Variants in ABCB9 observed in about 807,000 individuals in gnomAD.
ABCB9 encodes ABC-type oligopeptide transporter ABCB9.
In ABCB9, 36 loss-of-function variants were observed where a neutral mutation model predicts 62.0. The ratio of observed to expected loss-of-function variants is 0.58; its 90% CI spans 0.45 to 0.77. The LOEUF is 0.77. ABCB9 is among the 30% of genes least tolerant of loss of function. The pLI is 0.00. For missense variants in ABCB9, 943 were observed against 1,054.7 expected, an observed-to-expected ratio of 0.89 and a Z score of 1.47; for synonymous variants, 435 against 461.4, an observed-to-expected ratio of 0.94 and a Z score of 0.73.
chr12:122,920,766 T>G (rs61955187), downstream of ABCB9, among the ~76,000 whole-genome samples: 1 of 151,614 alleles, frequency 6.6e-6, no homozygotes, highest in Non-Finnish European at 1.5e-5. Context: ...AAAAAAATTT[T>G]GCCAGGCATG....
chr12:122,933,703 C>A (rs562643353), intron 10 of ABCB9, among the ~76,000 whole-genome samples: 1 of 151,672 alleles, frequency 6.6e-6, no homozygotes, highest in African/African-American at 2.4e-5. Context: ...AAGTTCATAT[C>A]GAGGTAATTT....
rs759452772 is a variant in ABCB9, at chr12:122,940,061, G to A, written c.1743+50C>T. On this transcript the variant is annotated intron_variant, in intron 9 of 11. Coordinates refer to ENST00000280560, the MANE Select transcript of ABCB9 (RefSeq NM_019625.4). This position sits in a 1 kb window ranked among gnomAD's most constrained non-coding sequence, Gnocchi z 4.8. ...ACCTGTTACAGCTCACAAGAAAGAC[G>A]GTTAGATGCAGAAAGGGCGGAGAAG... 9.9e-5 allele frequency: 155 copies of A among 1,565,302 alleles called. No homozygotes were observed. Among genetic ancestry groups the A allele is most frequent in the Non-Finnish European group, 1.3e-4 (149 of 1,152,996 alleles).
chr12:122,947,989 A>C lies in ABCB9; in HGVS notation c.1053+635T>G, dbSNP rs2036133858. Reference sequence around the variant, plus strand: ...TGCTGTGTCACCCAGGCTAGAGTATAGTGGCACGATCATTGCTCACTACAG... The same window carrying C: ...TGCTGTGTCACCCAGGCTAGAGTATCGTGGCACGATCATTGCTCACTACAG... On this transcript the variant is annotated intron_variant, in intron 5 of 11. Transcript: ENST00000280560. The surrounding 1 kb of genome is among the most constrained non-coding windows in gnomAD (Gnocchi z 6.0). The C allele has an allele frequency of 6.5e-6, 1 of 153,060 alleles. No individual in the cohort carries two copies. The highest frequency in any genetic ancestry group is 1.5e-5 in the Non-Finnish European group (1 of 68,544). The allele number at this position is 153,060 out of a possible 1,614,324, so 9.5% of individuals were successfully genotyped here.
downstream of ABCB9, chr12:122,924,780 G>A (rs1014534869): frequency 5.2e-6 from 8 of 1,534,558 alleles, no homozygotes; most frequent in East Asian, 2.4e-5. Flanking sequence ...GCCCTCGACT[G>A]CAATTACTTT....
rs1163927354 is a variant in ABCB9, at chr12:122,947,222, G to A, written c.1054-1000C>T. ...CTCCATCCCAGGGGCTGGTGGGAAG[G>A]CCGGAAGCAAGGGGTGGGGAGCAGC... is the stretch of plus-strand genomic sequence containing the variant. On this transcript the variant is annotated intron_variant, in intron 5 of 11. Coordinates refer to ENST00000280560, the MANE Select transcript of ABCB9 (RefSeq NM_019625.4). The surrounding 1 kb of genome is among the most constrained non-coding windows in gnomAD (Gnocchi z 6.0). Among the ~76,000 whole-genome samples, 1 of 152,208 alleles carries A rather than the reference G, an allele frequency of 6.6e-6. No individual in the cohort carries two copies. The highest frequency in any genetic ancestry group is 1.9e-4 in the East Asian group (1 of 5,194).
chr12:122,972,118 C>A (rs902577486), intron 1 of ABCB9, among the ~76,000 whole-genome samples: 2 of 144,200 alleles, frequency 1.4e-5, no homozygotes, highest in African/African-American at 5.2e-5. Flanking sequence ...AATCTTGGCT[C>A]ACTGCAAGCT....
exon 1 of ABCB9, chr12:122,975,071 G>A (rs2037367022): frequency 1.0e-5 from 5 of 481,992 alleles, no homozygotes; most frequent in Non-Finnish European, 7.5e-6. Context: ...GAGGCCGCCG[G>A]TCCCAACCCG....
At chr12:122,949,732 A>G in intron 4 of ABCB9, 56 bp downstream of exon 4, 3 of 1,605,560 alleles carry the variant, frequency 1.9e-6, no homozygotes, top group South Asian at 2.2e-5. Context: ...GTGCCAGGCA[A>G]GCCCACAGGG....
rs749383252 is a variant in ABCB9 at position 122,959,992 on chromosome 12, A to G, written c.244T>C (p.Ser82Pro). Residue 82 changes from serine (S) to proline (P), a missense_variant, in exon 2 of 12, where the codon TCG becomes CCG. By Grantham distance (74) the Ser-to-Pro change is moderately conservative (BLOSUM62 -1). Coordinates refer to ENST00000280560, the MANE Select transcript of ABCB9 (RefSeq NM_019625.4). This position sits in a 1 kb window ranked among gnomAD's most constrained non-coding sequence, Gnocchi z 5.4. ...SALGPRRLRASWLVITLVCLF... is the reference protein window; with the variant it reads ...SALGPRRLRAPWLVITLVCLF... ...CACACGAGGGTGATGACCAGCCACG[A>G]GGCCCGCAGCCGCCGGGGCCCCAGC... 1 of 1,613,290 alleles carries G rather than the reference A, an allele frequency of 6.2e-7. No individual in the cohort carries two copies. The highest frequency in any genetic ancestry group is 1.1e-5 in the South Asian group (1 of 91,090).
At chr12:122,949,720 C>T in intron 4 of ABCB9, 68 bp downstream of exon 4, 1 of 1,592,444 alleles carries the variant, frequency 6.3e-7, no homozygotes, top group Non-Finnish European at 8.6e-7. Flanking sequence ...TTTCATTCCT[C>T]AGTGCCAGGC....
chr12:122,971,661 A>G (rs910052101), intron 1 of ABCB9, among the ~76,000 whole-genome samples: 1 of 152,090 alleles, frequency 6.6e-6, no homozygotes, highest in African/African-American at 2.4e-5. Context: ...CATGTTGACC[A>G]GGCTGGTCTC....
chr12:122,945,874 T>C, intron 6 of ABCB9, 151 bp downstream of exon 6: 1 of 734,642 alleles, frequency 1.4e-6, no homozygotes, highest in Non-Finnish European at 2.1e-6. Flanking sequence ...TGAGGCTCTG[T>C]CTCAAAAAAA....
intron 1 of ABCB9, among the ~76,000 whole-genome samples, chr12:122,963,989 G>A (rs1042170122): frequency 3.3e-5 from 5 of 152,172 alleles, no homozygotes; most frequent in Admixed American, 6.5e-5. Context: ...CGAGCGAGTG[G>A]GTGAGCTCCA....
At chr12:122,942,151 C>G (rs774412018) in intron 7 of ABCB9, among the ~76,000 whole-genome samples, 1 of 152,128 alleles carries the variant, frequency 6.6e-6, no homozygotes, top group Non-Finnish European at 1.5e-5. Flanking sequence ...AGTGGCAGAG[C>G]CAGGATTTGA....
chr12:122,959,843 G>A lies in ABCB9; in HGVS notation c.393C>T (p.Phe131=). ...CGGTGGACAGCAGCCACCAGAGCAG[G>A]AAGGATGCGCCGAGTGAAATGTACG... ...VWTYISLGAS[F]LLWWLLSTVR... Residue 131 remains phenylalanine (F), a synonymous_variant, in exon 2 of 12, where the codon TTC becomes TTT. Transcript: ENST00000280560. The surrounding 1 kb of genome is among the most constrained non-coding windows in gnomAD (Gnocchi z 5.4). 6.2e-7 allele frequency: 1 copy of A among 1,613,300 alleles called. No individual in the cohort carries two copies. Among genetic ancestry groups the A allele is most frequent in the Non-Finnish European group, 8.5e-7 (1 of 1,179,840 alleles).
chr12:122,940,241 A>C lies in ABCB9; in HGVS notation c.1613T>G (p.Val538Gly), dbSNP rs1287276891. The C allele has an allele frequency of 1.9e-6, 3 of 1,610,060 alleles. No homozygotes were observed. Among genetic ancestry groups the C allele is most frequent in the Non-Finnish European group, 2.5e-6 (3 of 1,177,612 alleles). Residue 538 changes from valine to glycine, a missense_variant, in exon 9 of 12, where the codon GTG (valine) becomes GGG (glycine). Physicochemically the swap from Val to Gly is moderately radical, Grantham distance 109 (BLOSUM62 -3). Coordinates refer to ENST00000280560, the MANE Select transcript of ABCB9 (RefSeq NM_019625.4). This position sits in a 1 kb window ranked among gnomAD's most constrained non-coding sequence, Gnocchi z 4.8. The part of the protein sequence containing the change: ...SLSPGKVTAL[V>G]GPSGSGKSSC... Reference sequence around the variant, plus strand: ...GCTCTTCCCACTGCCCGAGGGCCCCACCAGGGCCGTCACCTTGCCGGGGGA... The same window carrying C: ...GCTCTTCCCACTGCCCGAGGGCCCCCCCAGGGCCGTCACCTTGCCGGGGGA...
chr12:122,950,384 G>T, intron 3 of ABCB9, 67 bp downstream of exon 3: 1 of 1,440,276 alleles, frequency 6.9e-7, no homozygotes, highest in Non-Finnish European at 9.4e-7. Context: ...TTAGGAACAG[G>T]CCCTCCCTTC....
rs1287203655 is a variant in ABCB9 at position 122,961,076 on chromosome 12, T to A, written c.-87-754A>T. 3.9e-5 allele frequency among the ~76,000 whole-genome samples: 6 copies of A among 151,910 alleles called. No homozygotes were observed. In the East Asian group the frequency reaches 7.7e-4, roughly 20 times the overall value. On this transcript the variant is annotated intron_variant, in intron 1 of 11. Transcript: ENST00000280560. ...GATCCTATCTCTAAAAAAAAAAATT[T>A]TTTTTAATTAAAAAAAGAGATAAGG... is the stretch of plus-strand genomic sequence containing the variant.
In ABCB9 at chr12:122,948,488, A is replaced by AAATG. The variant is rs552011349; in HGVS notation, c.1053+132_1053+135dup. ...ATAATTATTTATTGAATGAGCGAAG[A>AAATG]AATGAATGAATGAATGCAAACACAG... is the stretch of plus-strand genomic sequence containing the variant. On this transcript the variant is annotated intron_variant, in intron 5 of 11. Coordinates refer to ENST00000280560, the MANE Select transcript of ABCB9 (RefSeq NM_019625.4). 4.7e-4 allele frequency: 370 copies of AAATG among 786,616 alleles called. 2 individuals are homozygous for AAATG. Among genetic ancestry groups the AAATG allele is most frequent in the Admixed American group, 3.7e-3 (101 of 27,408 alleles). The allele number at this position is 786,616 out of a possible 1,614,324, so 48.7% of individuals were successfully genotyped here.
Sources: gnomAD v4.1 joint callset for allele counts (sites outside exome capture counted in the v4.1 genomes callset) on GRCh38, gnomAD v4.1.1 for gene constraint, Gnocchi (gnomAD v3.1) non-coding constraint, MANE v1.5 for transcripts, NCBI Gene and HGNC (gene_info 2026-07-23, HGNC 2026-07-21) for gene names.